Variants in VTI1A observed in about 807,000 individuals in gnomAD.
The protein encoded by VTI1A is vesicle transport through interaction with t-SNAREs homolog 1A.
In VTI1A, 22 loss-of-function variants were observed where a neutral mutation model predicts 34.9. The ratio of observed to expected loss-of-function variants is 0.63; its 90% confidence interval spans 0.45 to 0.90. VTI1A has a LOEUF of 0.90. Ranked by LOEUF, VTI1A falls within the 40% of genes least tolerant of loss-of-function variation. The pLI is 0.00. For missense variants in VTI1A, 268 were observed against 275.6 expected, an observed-to-expected ratio of 0.97 and a Z score of 0.20; for synonymous variants, 87 against 97.3, an observed-to-expected ratio of 0.89 and a Z score of 0.62.
chr10:112,466,079 C>A (rs1024887828), intron 3 of VTI1A, among the ~76,000 whole-genome samples: 1 of 152,134 alleles, frequency 6.6e-6, no homozygotes, highest in African/African-American at 2.4e-5. Context: ...CTGAGCCTTA[C>A]CTATGAGCAA....
intron 7 of VTI1A, among the ~76,000 whole-genome samples, chr10:112,746,461 G>C (rs901705229): frequency 6.6e-6 from 1 of 152,178 alleles, no homozygotes; most frequent in Non-Finnish European, 1.5e-5. Flanking sequence ...GGTGTGTGCA[G>C]CCCACCGCTG....
intron 5 of VTI1A, chr10:112,548,711 A>G (rs1851229783): frequency 7.5e-7 from 1 of 1,327,300 alleles, no homozygotes; most frequent in African/African-American, 1.4e-5. Flanking sequence ...GATGACACCC[A>G]CAGCAACTGT....
At chr10:112,846,393 G>A in the VTI1A span, among the ~76,000 whole-genome samples, 2 of 152,188 alleles carry the variant, frequency 1.3e-5, no homozygotes, top group Non-Finnish European at 2.9e-5. Flanking sequence ...GAACAGCACT[G>A]GCCAATAAAA....
In VTI1A at chr10:112,538,311, C is replaced by T. The variant is rs1343112791; in HGVS notation, c.408C>T (p.Tyr136=). 6.2e-7 allele frequency: 1 copy of T among 1,613,182 alleles called. No homozygotes were observed. Among genetic ancestry groups the T allele is most frequent in the Admixed American group, 1.7e-5 (1 of 59,950 alleles). ...ERSSRRLEAG[Y]QIAVETEQIG... is the part of the protein sequence containing the mutation. Reference sequence around the variant, plus strand: ...CATCTCGGAGACTAGAGGCTGGATACCAAATAGCAGTGGAAACCGGTAAGA... The same window carrying T: ...CATCTCGGAGACTAGAGGCTGGATATCAAATAGCAGTGGAAACCGGTAAGA... The change falls in exon 5 of 8, where the codon TAC becomes TAT. Residue 136 remains tyrosine (Y), a synonymous_variant. Coordinates refer to ENST00000393077, the MANE Select transcript of VTI1A (RefSeq NM_145206.4).
intron 5 of VTI1A, among the ~76,000 whole-genome samples, chr10:112,661,898 G>GCT (rs1847474871): frequency 6.6e-6 from 1 of 151,434 alleles, no homozygotes. Context: ...CTCCTGAGTA[G>GCT]AGTAGCTGGG....
At chr10:112,493,560 G>A (rs1485706407) in intron 3 of VTI1A, among the ~76,000 whole-genome samples, 2 of 152,054 alleles carry the variant, frequency 1.3e-5, no homozygotes, top group African/African-American at 2.4e-5. Context: ...AATTTTAGGG[G>A]GAAGTATTCT....
intron 7 of VTI1A, among the ~76,000 whole-genome samples, chr10:112,790,544 C>T (rs1223587038): frequency 1.3e-5 from 2 of 152,132 alleles, no homozygotes; most frequent in Non-Finnish European, 2.9e-5. Context: ...ACCGAGTTTG[C>T]TACTTTTATT....
At chr10:112,699,079 T>C (rs963335969) in intron 7 of VTI1A, among the ~76,000 whole-genome samples, 2 of 152,242 alleles carry the variant, frequency 1.3e-5, no homozygotes, top group Admixed American at 1.3e-4. Flanking sequence ...ACTGCCAAGC[T>C]CTAAAGTCTT....
intron 7 of VTI1A, among the ~76,000 whole-genome samples, chr10:112,731,598 A>G (rs925442944): frequency 3.9e-5 from 6 of 151,992 alleles, no homozygotes; most frequent in African/African-American, 1.4e-4. Context: ...AAAACTGCAT[A>G]AAACAGCATA....
At chr10:112,799,165 A>G (rs1353931686) in intron 7 of VTI1A, among the ~76,000 whole-genome samples, 1 of 152,078 alleles carries the variant, frequency 6.6e-6, no homozygotes, top group Non-Finnish European at 1.5e-5. Context: ...GGCTTCTGAG[A>G]GCCGCAGGGG....
chr10:112,741,693 A>C (rs2133977455), intron 7 of VTI1A, among the ~76,000 whole-genome samples: 1 of 152,356 alleles, frequency 6.6e-6, no homozygotes, highest in Non-Finnish European at 1.5e-5. Flanking sequence ...GTTTTTAAAA[A>C]TTATACTTAA....
chr10:112,744,718 T>A (rs2133981914), intron 7 of VTI1A, among the ~76,000 whole-genome samples: 2 of 152,332 alleles, frequency 1.3e-5, no homozygotes, highest in South Asian at 4.1e-4. Context: ...GTGCTGGGAT[T>A]ACAGGCATGA....
chr10:112,568,229 G>A (rs1195109788), intron 5 of VTI1A, among the ~76,000 whole-genome samples: 3 of 152,144 alleles, frequency 2.0e-5, no homozygotes, highest in Admixed American at 2.0e-4. Context: ...ACCTTAAAAT[G>A]TGATGGTTGG....
At chr10:112,595,399 C>T (rs1414406200) in intron 5 of VTI1A, among the ~76,000 whole-genome samples, 16 of 150,926 alleles carry the variant, frequency 1.1e-4, no homozygotes, top group South Asian at 4.2e-4. Flanking sequence ...AGAAAATTTT[C>T]GCAACCTACT....
At chr10:112,483,737 T>A (rs1848524899) in intron 3 of VTI1A, among the ~76,000 whole-genome samples, 1 of 151,702 alleles carries the variant, frequency 6.6e-6, no homozygotes, top group Admixed American at 6.6e-5. Context: ...TTATCCCTGG[T>A]TGAGAGCCAC....
intron 4 of VTI1A, among the ~76,000 whole-genome samples, chr10:112,537,335 A>ATATATATATATATATATATATC (rs1202223178): frequency 1.5e-5 from 2 of 134,120 alleles, no homozygotes; most frequent in South Asian, 2.4e-4. Context: ...ATATATATAT[A>ATATATATATATATATATATATC]TATCTGTATC....
At chr10:112,747,952 C>G (rs542640648) in intron 7 of VTI1A, among the ~76,000 whole-genome samples, 1 of 152,096 alleles carries the variant, frequency 6.6e-6, no homozygotes, top group East Asian at 1.9e-4. Context: ...GGGTCCTGGA[C>G]GTTGGACTCC....
At chr10:112,546,244 T>G (rs1257265567) in intron 5 of VTI1A, among the ~76,000 whole-genome samples, 1 of 151,040 alleles carries the variant, frequency 6.6e-6, no homozygotes, top group Non-Finnish European at 1.5e-5. Context: ...TATACAAAAA[T>G]TTGGCCAGGT....
intron 3 of VTI1A, among the ~76,000 whole-genome samples, chr10:112,497,860 A>G (rs1849083817): frequency 1.3e-5 from 2 of 152,210 alleles, no homozygotes. Context: ...TTTATCTCTC[A>G]TGTACAGTCT....
Sources: allele counts gnomAD v4.1 joint callset (sites outside exome capture counted in the v4.1 genomes callset), GRCh38; gene constraint gnomAD v4.1.1; transcripts MANE v1.5; gene names NCBI Gene and HGNC (gene_info 2026-07-23, HGNC 2026-07-21).